PHACTR1: variants seen among roughly 807,000 people sequenced by gnomAD.
PHACTR1 encodes the protein phosphatase and actin regulator 1.
Under a neutral mutation model 69.2 loss-of-function variants are expected in PHACTR1, and 16 were observed. The ratio of observed to expected loss-of-function variants is 0.23; its 90% CI spans 0.16 to 0.35. The LOEUF (loss-of-function observed/expected upper bound fraction) is 0.35, where lower values mean the gene tolerates loss of function less well. Ranked by LOEUF, PHACTR1 falls within the 10% of genes least tolerant of loss-of-function variation. The probability of loss-of-function intolerance (pLI) is 1.00; values close to 1 mark genes in which losing one functional copy is unlikely to be tolerated. For missense variants in PHACTR1, 510 were observed against 734.7 expected (o/e 0.69, Z 3.54); for synonymous variants, 312 against 284.5 (o/e 1.10, Z -0.97).
At chr6:12,809,898 A>G (rs549015693) in intron 4 of PHACTR1, among the ~76,000 whole-genome samples, 1 of 152,340 alleles carries the variant, frequency 6.6e-6, no homozygotes, top group South Asian at 2.1e-4. Context: ...AACAATAAAT[A>G]CATTTTAAAA....
At chr6:12,864,463 G>C (rs867951374) in intron 4 of PHACTR1, among the ~76,000 whole-genome samples, 1 of 152,090 alleles carries the variant, frequency 6.6e-6, no homozygotes, top group Non-Finnish European at 1.5e-5. Flanking sequence ...GGCGGATCAC[G>C]AGGTCAGAAG....
At chr6:12,994,464 A>G (rs952317722) in intron 4 of PHACTR1, among the ~76,000 whole-genome samples, 3 of 152,190 alleles carry the variant, frequency 2.0e-5, no homozygotes, top group African/African-American at 7.2e-5. Flanking sequence ...GGAAAAAATT[A>G]GAGATCAGTT....
intron 5 of PHACTR1, among the ~76,000 whole-genome samples, chr6:13,094,772 CTA>C (rs5874402): frequency 0.027 from 4,032 of 152,050 alleles, 161 homozygotes; most frequent in African/African-American, 0.089. Context: ...TGATTATTAC[CTA>C]TATATATATT....
intron 4 of PHACTR1, among the ~76,000 whole-genome samples, chr6:13,038,656 G>A (rs1803711157): frequency 6.6e-6 from 1 of 152,170 alleles, no homozygotes; most frequent in Non-Finnish European, 1.5e-5. Flanking sequence ...AGTCAGGCAA[G>A]TTACTTCTTT....
chr6:13,116,180 C>T (rs1013548230), intron 5 of PHACTR1, among the ~76,000 whole-genome samples: 3 of 152,140 alleles, frequency 2.0e-5, no homozygotes, highest in African/African-American at 7.2e-5. Flanking sequence ...GAGGAGGCTA[C>T]CAATAGGCAG....
intron 5 of PHACTR1, among the ~76,000 whole-genome samples, chr6:13,147,784 C>T (rs368470381): frequency 1.3e-5 from 2 of 152,006 alleles, no homozygotes; most frequent in African/African-American, 4.8e-5. Flanking sequence ...GTAACAATGT[C>T]GTTTAATTTT....
intron 4 of PHACTR1, among the ~76,000 whole-genome samples, chr6:12,762,942 G>T (rs907596328): frequency 2.6e-5 from 4 of 152,138 alleles, no homozygotes; most frequent in African/African-American, 9.7e-5. Context: ...GGCTGGGTGC[G>T]ATGACTCACG....
chr6:13,230,871 C>T lies in PHACTR1; in HGVS notation c.1391+678C>T, dbSNP rs1328616386. On this transcript the variant is annotated intron_variant, in intron 10 of 14. Transcript: ENST00000332995. Reference sequence around the variant, plus strand: ...ATCTCTACATAAAATCAAAAATTAGCGAGATGTGGTGGCACATGCCTGTGG... The same window carrying T: ...ATCTCTACATAAAATCAAAAATTAGTGAGATGTGGTGGCACATGCCTGTGG... 3.3e-5 allele frequency among the ~76,000 whole-genome samples: 5 copies of T among 152,130 alleles called. No individual in the cohort carries two copies. In the East Asian group the frequency reaches 7.7e-4, roughly 24 times the overall value.
At chr6:13,277,305 ACT>A (rs1469263670) in intron 11 of PHACTR1, among the ~76,000 whole-genome samples, 1 of 151,992 alleles carries the variant, frequency 6.6e-6, no homozygotes, top group Non-Finnish European at 1.5e-5. Flanking sequence ...TCTGCAGTCT[ACT>A]CTTCTGAGCC....
chr6:12,925,240 TG>T (rs1475832073), intron 4 of PHACTR1, among the ~76,000 whole-genome samples: 1 of 150,630 alleles, frequency 6.6e-6, no homozygotes, highest in Non-Finnish European at 1.5e-5. Context: ...TCAACTGACT[TG>T]TTGATTCAAC....
rs555185001 is a variant in PHACTR1, at chr6:12,996,893, C to T, written c.251-56472C>T. On this transcript the variant is annotated intron_variant, in intron 4 of 14. Coordinates refer to ENST00000332995, the MANE Select transcript of PHACTR1 (RefSeq NM_030948.6). Reference sequence around the variant, plus strand: ...AAATTTATAAATGTATGGCCGGGTGCGATGGCTCACCCCTGTAATCCCAGC... The same window carrying T: ...AAATTTATAAATGTATGGCCGGGTGTGATGGCTCACCCCTGTAATCCCAGC... Among the ~76,000 whole-genome samples the T allele has an allele frequency of 1.2e-4, 19 of 152,266 alleles. No homozygotes were observed. The South Asian group carries it at 3.1e-3, about 25-fold the overall frequency.
chr6:12,955,230 G>A (rs72820839), intron 4 of PHACTR1, among the ~76,000 whole-genome samples: 24,595 of 102,916 alleles, frequency 0.24, 2,732 homozygotes, highest in Middle Eastern at 0.39. Flanking sequence ...ATAGCATCTT[G>A]CTTTGTTGCC....
chr6:13,026,279 A>G (rs747013928), intron 4 of PHACTR1, among the ~76,000 whole-genome samples: 4 of 152,200 alleles, frequency 2.6e-5, no homozygotes, highest in Non-Finnish European at 4.4e-5. Flanking sequence ...GAGGGTTAGG[A>G]AAACAGAGCG....
chr6:12,882,216 T>C (rs1783173269), intron 4 of PHACTR1, among the ~76,000 whole-genome samples: 1 of 151,906 alleles, frequency 6.6e-6, no homozygotes, highest in South Asian at 2.1e-4. Flanking sequence ...AGATAGTAGC[T>C]TAAGGAAGGA....
At chr6:13,209,429 C>CA (rs1206841609) in intron 8 of PHACTR1, among the ~76,000 whole-genome samples, 1 of 152,202 alleles carries the variant, frequency 6.6e-6, no homozygotes, top group East Asian at 1.9e-4. Context: ...AACACTCAGG[C>CA]ATCCTGCCTT....
intron 4 of PHACTR1, among the ~76,000 whole-genome samples, chr6:12,881,889 C>T (rs542515663): frequency 1.3e-5 from 2 of 152,180 alleles, no homozygotes; most frequent in East Asian, 1.9e-4. Context: ...GAAATCTCCA[C>T]GATGCAGGAG....
chr6:12,833,460 T>C (rs944461713), intron 4 of PHACTR1, among the ~76,000 whole-genome samples: 3 of 152,016 alleles, frequency 2.0e-5, no homozygotes, highest in African/African-American at 7.2e-5. Flanking sequence ...GGTTTCACCA[T>C]GTTGGCCAGG....
In PHACTR1 at chr6:12,994,817, G is replaced by C. The variant is rs184463251; in HGVS notation, c.251-58548G>C. On this transcript the variant is annotated intron_variant, in intron 4 of 14. Transcript: ENST00000332995. ...ACAGTTGGAAATTGTTATGTCTGGG[G>C]AAGTGAGGAACAGGAGACTACTACT... Among the ~76,000 whole-genome samples, 336 of 152,242 alleles carry C rather than the reference G, an allele frequency of 2.2e-3. 1 individual carries two copies. Among genetic ancestry groups the C allele is most frequent in the Middle Eastern group, 0.017 (5 of 292 alleles).
chr6:12,883,708 C>T (rs560162129), intron 4 of PHACTR1, among the ~76,000 whole-genome samples: 1 of 152,078 alleles, frequency 6.6e-6, no homozygotes, highest in South Asian at 2.1e-4. Context: ...AGAGCTGGAA[C>T]AAGTTGATAA....
Sources: allele counts gnomAD v4.1 joint callset (sites outside exome capture counted in the v4.1 genomes callset), GRCh38; gene constraint gnomAD v4.1.1; transcripts MANE v1.5; gene names NCBI Gene and HGNC (gene_info 2026-07-23, HGNC 2026-07-21).